ELMO1: variants seen among roughly 807,000 people sequenced by gnomAD.
The protein encoded by ELMO1 is engulfment and cell motility protein 1.
In ELMO1, 26 loss-of-function variants were observed where a neutral mutation model predicts 98.9. That is an observed-to-expected ratio of 0.26 (90% CI 0.19 to 0.36). ELMO1 has a LOEUF of 0.36. ELMO1 is among the 10% of genes least tolerant of loss of function. The probability of loss-of-function intolerance (pLI) is 1.00; values close to 1 mark genes in which losing one functional copy is unlikely to be tolerated. For synonymous variants in ELMO1, 346 were observed against 346.0 expected, an observed-to-expected ratio of 1.00 and a Z score of 0.00; for missense variants, 627 against 935.2, an observed-to-expected ratio of 0.67 and a Z score of 4.30.
rs114870636 is a variant in ELMO1, at chr7:37,355,069, C to T, written c.-73-12306G>A. Among the ~76,000 whole-genome samples the T allele has an allele frequency of 2.8e-3, 427 of 152,274 alleles. 4 individuals are homozygous for T. Among genetic ancestry groups the T allele is most frequent in the African/African-American group, 9.7e-3 (402 of 41,564 alleles). On this transcript the variant is annotated intron_variant, in intron 1 of 21. Transcript: ENST00000310758. ...TGCAATGCCGCATAGCCGCCTCTCA[C>T]GGAATACCATTAGGCTCTTTCTCCC...
At chr7:37,320,789 A>G (rs1799447741) in intron 2 of ELMO1, among the ~76,000 whole-genome samples, 1 of 152,222 alleles carries the variant, frequency 6.6e-6, no homozygotes, top group African/African-American at 2.4e-5. Flanking sequence ...AATGAAAAAA[A>G]TCTATACATT....
intron 4 of ELMO1, among the ~76,000 whole-genome samples, chr7:37,301,549 C>T (rs1562595554): frequency 6.7e-6 from 1 of 148,256 alleles, no homozygotes; most frequent in East Asian, 2.0e-4. Context: ...AGCTGCAGTT[C>T]ACCCACCCAC....
At chr7:37,042,666 A>G (rs1296068818) in intron 15 of ELMO1, among the ~76,000 whole-genome samples, 6 of 152,220 alleles carry the variant, frequency 3.9e-5, no homozygotes, top group Non-Finnish European at 5.9e-5. Flanking sequence ...CATCCTGAAC[A>G]TCCTGAGAAC....
intron 16 of ELMO1, among the ~76,000 whole-genome samples, chr7:36,895,616 G>T (rs1805933698): frequency 6.6e-6 from 1 of 152,176 alleles, no homozygotes; most frequent in Non-Finnish European, 1.5e-5. Context: ...AATTAGAACA[G>T]ACATATCCCA....
intron 15 of ELMO1, among the ~76,000 whole-genome samples, chr7:37,084,111 G>C (rs965590508): frequency 1.3e-5 from 2 of 152,150 alleles, no homozygotes; most frequent in Non-Finnish European, 2.9e-5. Flanking sequence ...ACATACTGTA[G>C]TGTTGATATT....
At chr7:37,285,684 G>A (rs538775576) in intron 4 of ELMO1, among the ~76,000 whole-genome samples, 1 of 152,240 alleles carries the variant, frequency 6.6e-6, no homozygotes, top group African/African-American at 2.4e-5. Flanking sequence ...AAAAGAAGGG[G>A]AAAAAAGCAG....
At chr7:37,256,168 A>G (rs1389597787) in intron 6 of ELMO1, among the ~76,000 whole-genome samples, 2 of 152,090 alleles carry the variant, frequency 1.3e-5, no homozygotes, top group Non-Finnish European at 2.9e-5. Context: ...CAGTAACCAC[A>G]CTGGATTCTG....
Position 37,211,527 on chromosome 7 carries a change from T to C in ELMO1, c.955-10A>G, listed in dbSNP as rs1340260550. On this transcript the variant is annotated splice_polypyrimidine_tract_variant and intron_variant, in intron 12 of 21. Transcript: ENST00000310758. ...TGATGTCCCTCTGAGCCTGAAGGAA[T>C]CAGGGAGTAAAAAGAAAAGGGAGGG... 8 of 1,612,648 alleles carry C rather than the reference T, an allele frequency of 5.0e-6. No individual in the cohort carries two copies. The highest frequency in any genetic ancestry group is 4.0e-5 in the African/African-American group (3 of 74,838).
intron 4 of ELMO1, among the ~76,000 whole-genome samples, chr7:37,278,061 C>T (rs1363689943): frequency 1.3e-5 from 2 of 150,194 alleles, no homozygotes; most frequent in Non-Finnish European, 3.0e-5. Context: ...CCAACTAAAC[C>T]AAACTTCCAA....
At chr7:37,360,531 C>T (rs1056605845) in intron 1 of ELMO1, among the ~76,000 whole-genome samples, 3 of 151,974 alleles carry the variant, frequency 2.0e-5, no homozygotes, top group African/African-American at 7.2e-5. Flanking sequence ...CTCTAGGGGT[C>T]CAACAGATGC....
intron 4 of ELMO1, among the ~76,000 whole-genome samples, chr7:37,286,673 G>A (rs1797405539): frequency 6.6e-6 from 1 of 152,128 alleles, no homozygotes; most frequent in Non-Finnish European, 1.5e-5. Context: ...AGGGAGAGAA[G>A]GGAGAGAATC....
chr7:37,045,921 C>T (rs946263900), intron 15 of ELMO1, among the ~76,000 whole-genome samples: 3 of 152,188 alleles, frequency 2.0e-5, no homozygotes, highest in African/African-American at 7.2e-5. Flanking sequence ...GGATAGCCTT[C>T]CTAGGTAGGC....
intron 9 of ELMO1, 149 bp from the exon 10 acceptor site, chr7:37,222,842 T>A: frequency 3.1e-6 from 2 of 651,576 alleles, no homozygotes; most frequent in Non-Finnish European, 5.4e-6. Context: ...CATTTTGCAC[T>A]GAGAATGCAT....
chr7:37,145,560 T>C (rs1584716314), intron 13 of ELMO1, among the ~76,000 whole-genome samples: 1 of 152,382 alleles, frequency 6.6e-6, no homozygotes, highest in East Asian at 1.9e-4. Flanking sequence ...TACTCTTGAA[T>C]GCTTCCTGGT....
intron 16 of ELMO1, among the ~76,000 whole-genome samples, chr7:36,911,526 G>A (rs1461899060): frequency 3.9e-5 from 6 of 152,142 alleles, no homozygotes; most frequent in African/African-American, 2.4e-5. Context: ...GGTATAAAGT[G>A]CATTTTGTCT....
chr7:36,868,627 C>T (rs1035292220), intron 20 of ELMO1, among the ~76,000 whole-genome samples: 1 of 152,126 alleles, frequency 6.6e-6, no homozygotes, highest in African/African-American at 2.4e-5. Context: ...GGATTACAGG[C>T]GCGAGCCACC....
intron 5 of ELMO1, among the ~76,000 whole-genome samples, chr7:37,262,642 G>C (rs1796032345): frequency 6.6e-6 from 1 of 152,178 alleles, no homozygotes; most frequent in African/African-American, 2.4e-5. Context: ...GTTTGCTTTA[G>C]GGTAAATTTC....
At chr7:37,004,858 C>T (rs1471501168) in intron 16 of ELMO1, among the ~76,000 whole-genome samples, 2 of 151,916 alleles carry the variant, frequency 1.3e-5, no homozygotes, top group Middle Eastern at 3.2e-3. Flanking sequence ...TGCCTATAAT[C>T]CCAGCACTTT....
chr7:37,284,597 T>A (rs1797298619), intron 4 of ELMO1, among the ~76,000 whole-genome samples: 1 of 152,138 alleles, frequency 6.6e-6, no homozygotes, highest in Non-Finnish European at 1.5e-5. Flanking sequence ...AGTAACAAGT[T>A]CTATAACAAG....
Sources: gnomAD v4.1 joint callset for allele counts (sites outside exome capture counted in the v4.1 genomes callset) on GRCh38, gnomAD v4.1.1 for gene constraint, MANE v1.5 for transcripts, NCBI Gene and HGNC (gene_info 2026-07-23, HGNC 2026-07-21) for gene names.